Variants in ITFG1 observed in about 807,000 individuals in gnomAD.
ITFG1 encodes the protein T-cell immunomodulatory protein.
In ITFG1, 34 loss-of-function variants were observed where a neutral mutation model predicts 81.8. That is an observed-to-expected ratio of 0.42 (90% confidence interval 0.32 to 0.55). ITFG1 has a LOEUF of 0.55. Ranked by LOEUF, ITFG1 falls within the 20% of genes least tolerant of loss-of-function variation. The pLI, the probability that ITFG1 is intolerant of heterozygous loss-of-function variation, is 0.17. For missense variants in ITFG1, 672 were observed against 755.4 expected (o/e 0.89, Z 1.29); for synonymous variants, 285 against 270.6 (o/e 1.05, Z -0.52).
intron 6 of ITFG1, among the ~76,000 whole-genome samples, chr16:47,382,476 A>T (rs993247717): frequency 4.6e-5 from 7 of 152,208 alleles, no homozygotes. Flanking sequence ...AAGATTCACC[A>T]TACTTAGCAG....
chr16:47,452,959 T>C (rs1470980851), intron 3 of ITFG1, among the ~76,000 whole-genome samples, 169 bp from the exon 4 acceptor site: 1 of 152,184 alleles, frequency 6.6e-6, no homozygotes. Context: ...AACATCAAGC[T>C]TGCAAAGACA....
chr16:47,208,366 T>C lies in ITFG1; in HGVS notation c.1453+10502A>G, dbSNP rs537816744. Among the ~76,000 whole-genome samples, 15 of 152,278 alleles carry C rather than the reference T, an allele frequency of 9.9e-5. No homozygotes were observed. In the South Asian group the frequency reaches 2.9e-3, roughly 29 times the overall value. On this transcript the variant is annotated intron_variant, in intron 14 of 17. Transcript: ENST00000320640. ...AAAAAACTAATCCATGTATAAGAAC[T>C]TTAAGGTGTTTGGTACGCTAAAAGT...
intron 8 of ITFG1, among the ~76,000 whole-genome samples, chr16:47,333,118 G>A (rs1002197077): frequency 1.3e-5 from 2 of 151,854 alleles, no homozygotes; most frequent in Non-Finnish European, 2.9e-5. Context: ...GTATGTCCTG[G>A]GATGGAAGAA....
intron 5 of ITFG1, among the ~76,000 whole-genome samples, chr16:47,432,244 T>C (rs1424652466): frequency 6.6e-6 from 1 of 152,216 alleles, no homozygotes; most frequent in Non-Finnish European, 1.5e-5. Context: ...CAGTCCAATA[T>C]GAAACCACAG....
chr16:47,375,917 C>A lies in ITFG1; in HGVS notation c.679G>T (p.Ala227Ser), dbSNP rs747563878. 297 of 1,605,718 alleles carry A rather than the reference C, an allele frequency of 1.8e-4. No individual in the cohort carries two copies. Among genetic ancestry groups the A allele is most frequent in the Non-Finnish European group, 2.4e-4 (283 of 1,173,324 alleles). The change falls in exon 7 of 18, where the codon GCC becomes TCC. Residue 227 changes from alanine (A) to serine (S), a missense_variant. Transcript: ENST00000320640. ...TCAAACTGGAAGGTACTAGTGGTGG[C>A]ATTCAATGTCGTCAGGAATAAATCT... ...TADLFLTTLN[A>S]TTSTFQFEIW...
At chr16:47,318,972 G>C (rs992996244) in intron 8 of ITFG1, among the ~76,000 whole-genome samples, 7 of 152,002 alleles carry the variant, frequency 4.6e-5, no homozygotes, top group Non-Finnish European at 1.5e-5. Flanking sequence ...TTTTTTTAAC[G>C]GTTATTTGCA....
At chr16:47,246,972 T>C (rs1265167549) in intron 12 of ITFG1, among the ~76,000 whole-genome samples, 1 of 152,060 alleles carries the variant, frequency 6.6e-6, no homozygotes, top group African/African-American at 2.4e-5. Flanking sequence ...TTAGTAGTGA[T>C]GGGGTTTCAC....
At chr16:47,267,435 T>C (rs1011295750) in intron 10 of ITFG1, among the ~76,000 whole-genome samples, 1 of 152,158 alleles carries the variant, frequency 6.6e-6, no homozygotes, top group African/African-American at 2.4e-5. Context: ...GAAAGAACTG[T>C]GGAAGAAACA....
intron 14 of ITFG1, chr16:47,218,280 T>C (rs965666888): frequency 6.6e-6 from 1 of 152,214 alleles, no homozygotes; most frequent in Non-Finnish European, 1.5e-5. Context: ...ATCACAGTTA[T>C]ATTTACTGTA....
chr16:47,440,981 G>A (rs868766853), intron 5 of ITFG1, among the ~76,000 whole-genome samples: 3 of 151,938 alleles, frequency 2.0e-5, no homozygotes, highest in Admixed American at 6.6e-5. Context: ...TCAAATAGAC[G>A]CAATAAAAAA....
At chr16:47,324,720 A>T (rs1239975626) in intron 8 of ITFG1, among the ~76,000 whole-genome samples, 1 of 152,210 alleles carries the variant, frequency 6.6e-6, no homozygotes, top group African/African-American at 2.4e-5. Flanking sequence ...ACCAACAAAG[A>T]TCAAAAGAGA....
At chr16:47,237,429 T>C (rs1336518433) in intron 13 of ITFG1, among the ~76,000 whole-genome samples, 1 of 152,194 alleles carries the variant, frequency 6.6e-6, no homozygotes, top group Non-Finnish European at 1.5e-5. Context: ...CACAAACACA[T>C]GCATGCTTTT....
chr16:47,264,299 C>T (rs377254698), intron 10 of ITFG1, among the ~76,000 whole-genome samples: 24 of 151,668 alleles, frequency 1.6e-4, no homozygotes, highest in East Asian at 1.2e-3. Context: ...TTTTTCTTTC[C>T]ACTACATTAT....
chr16:47,333,540 G>A (rs536452657), intron 8 of ITFG1, among the ~76,000 whole-genome samples: 29 of 152,262 alleles, frequency 1.9e-4, no homozygotes, highest in Admixed American at 5.9e-4. Flanking sequence ...AATAAGAAAA[G>A]CAAACATTCG....
chr16:47,211,436 T>A (rs1220598544), intron 14 of ITFG1, among the ~76,000 whole-genome samples: 3 of 152,218 alleles, frequency 2.0e-5, no homozygotes, highest in Non-Finnish European at 4.4e-5. Context: ...TTTTTATTCC[T>A]GGAGGTCATC....
chr16:47,333,206 G>GA (rs755609492), intron 8 of ITFG1, among the ~76,000 whole-genome samples: 4 of 151,856 alleles, frequency 2.6e-5, no homozygotes, highest in African/African-American at 7.3e-5. Context: ...ATTTAATTCT[G>GA]ACAAAAACTA....
At chr16:47,224,359 G>GA (rs1253561171) in intron 13 of ITFG1, among the ~76,000 whole-genome samples, 4 of 152,162 alleles carry the variant, frequency 2.6e-5, no homozygotes, top group African/African-American at 9.7e-5. Flanking sequence ...AGGGGACTCT[G>GA]AAAATCTCTC....
chr16:47,414,854 T>C (rs182260874), intron 6 of ITFG1, among the ~76,000 whole-genome samples: 41 of 152,360 alleles, frequency 2.7e-4, no homozygotes, highest in African/African-American at 8.9e-4. Flanking sequence ...GTTGAGTTCA[T>C]AGCCTTCTGT....
intron 14 of ITFG1, among the ~76,000 whole-genome samples, chr16:47,205,249 T>C (rs1375420499): frequency 6.6e-6 from 1 of 152,206 alleles, no homozygotes; most frequent in Non-Finnish European, 1.5e-5. Flanking sequence ...AGCTGTTCTA[T>C]CTGTTATAGT....
Sources: allele counts gnomAD v4.1 joint callset (sites outside exome capture counted in the v4.1 genomes callset), GRCh38; gene constraint gnomAD v4.1.1; transcripts MANE v1.5; gene names NCBI Gene and HGNC (gene_info 2026-07-23, HGNC 2026-07-21).